The following TMEM65 variants were observed in gnomAD, a reference collection of about 807,000 sequenced individuals.
TMEM65 encodes the protein transmembrane protein 65.
In TMEM65, 22 loss-of-function variants were observed where a neutral mutation model predicts 25.4. The ratio of observed to expected loss-of-function variants is 0.86; its 90% confidence interval spans 0.62 to 1.23. The LOEUF is 1.23. Among genes scored for constraint, TMEM65 ranks in the 50% most tolerant of loss-of-function variants. TMEM65 has a pLI of 0.00. For synonymous variants in TMEM65, 132 were observed against 126.2 expected (o/e 1.05, Z -0.31); for missense variants, 262 against 308.2 (o/e 0.85, Z 1.12).
At chr8:124,352,552 G>C (rs974246024) in intron 1 of TMEM65, among the ~76,000 whole-genome samples, 13 of 150,488 alleles carry the variant, frequency 8.6e-5, no homozygotes, top group African/African-American at 3.0e-4. Flanking sequence ...ATACAGGTAA[G>C]ATTCCAGAAA....
chr8:124,313,604 C>T lies in TMEM65; in HGVS notation c.*356G>A, dbSNP rs775874760. On this transcript the variant is annotated 3_prime_UTR_variant, in exon 7 of 7. Coordinates refer to ENST00000297632, the MANE Select transcript of TMEM65 (RefSeq NM_194291.3). Reference sequence around the variant, plus strand: ...TTGAAATGTAACTATCAGGGAACAACGAAAAATGCTTTCATGCATGTACAC... The same window carrying T: ...TTGAAATGTAACTATCAGGGAACAATGAAAAATGCTTTCATGCATGTACAC... 1.3e-4 allele frequency: 21 copies of T among 158,834 alleles called. No individual in the cohort carries two copies. Among genetic ancestry groups the T allele is most frequent in the African/African-American group, 2.9e-4 (12 of 41,564 alleles). 9.8% of individuals were successfully genotyped at this position (158,834 alleles called of 1,614,324 possible).
At chr8:124,326,394 AAG>A (rs1327235492) in intron 3 of TMEM65, among the ~76,000 whole-genome samples, 1 of 152,092 alleles carries the variant, frequency 6.6e-6, no homozygotes, top group African/African-American at 2.4e-5. Flanking sequence ...TGGACAAAAT[AAG>A]AGGAGTGAAT....
At chr8:124,361,131 C>G (rs1424532160) in intron 1 of TMEM65, among the ~76,000 whole-genome samples, 1 of 152,150 alleles carries the variant, frequency 6.6e-6, no homozygotes, top group Non-Finnish European at 1.5e-5. Flanking sequence ...GACATTAAGG[C>G]TACTAAGAGT....
chr8:124,314,110 CAAG>C (rs763012860), intron 6 of TMEM65, 49 bp from the exon 7 acceptor site: 7 of 1,481,222 alleles, frequency 4.7e-6, no homozygotes, highest in South Asian at 1.2e-5. Flanking sequence ...TCTCTGATAA[CAAG>C]AAGGCAGAGA....
chr8:124,352,725 G>T (rs900380735), intron 1 of TMEM65, among the ~76,000 whole-genome samples: 3 of 152,134 alleles, frequency 2.0e-5, no homozygotes, highest in Non-Finnish European at 4.4e-5. Flanking sequence ...AGTGAGGCAG[G>T]CATCTGTATA....
chr8:124,365,947 G>A lies in TMEM65; in HGVS notation c.304+5907C>T, dbSNP rs560511780. On this transcript the variant is annotated intron_variant, in intron 1 of 6. Transcript: ENST00000297632. ...AATAGAAAACTAATACAGGCCGGGC[G>A]TGGAGGTTCACGCCTGTAATCTCAG... Among the ~76,000 whole-genome samples, 44 of 152,298 alleles carry A rather than the reference G, an allele frequency of 2.9e-4. 1 individual carries two copies. The highest frequency in any genetic ancestry group is 1.2e-3 in the South Asian group (6 of 4,820).
intron 1 of TMEM65, among the ~76,000 whole-genome samples, chr8:124,366,371 C>G (rs558351618): frequency 6.6e-6 from 1 of 152,246 alleles, no homozygotes; most frequent in African/African-American, 2.4e-5. Flanking sequence ...GTCAACAGTT[C>G]CAGTTGAGGC....
chr8:124,346,242 G>A (rs1220905860), intron 1 of TMEM65, among the ~76,000 whole-genome samples: 1 of 152,082 alleles, frequency 6.6e-6, no homozygotes, highest in African/African-American at 2.4e-5. Flanking sequence ...GAACACCATA[G>A]GGGAAACCAC....
chr8:124,322,144 G>C lies in TMEM65; in HGVS notation c.476C>G (p.Ala159Gly). ...ATCTGACACAAGATTTCCCAAAGCA[G>C]CAGCTAAAAATTTGAAAAATAAATA... ...IILGISTMAAAALGNLVSDLA... is the reference protein window; with the variant it reads ...IILGISTMAAGALGNLVSDLA... The change falls in exon 5 of 7, where the codon GCT becomes GGT. Residue 159 changes from alanine to glycine, a missense_variant. By Grantham distance (60) the Ala-to-Gly change is moderately conservative (BLOSUM62 0). Coordinates refer to ENST00000297632, the MANE Select transcript of TMEM65 (RefSeq NM_194291.3). 5 of 1,606,978 alleles carry C rather than the reference G, an allele frequency of 3.1e-6. No homozygotes were observed. The highest frequency in any genetic ancestry group is 2.6e-6 in the Non-Finnish European group (3 of 1,176,010).
At chr8:124,365,959 G>A (rs9656954) in intron 1 of TMEM65, among the ~76,000 whole-genome samples, 55,955 of 152,008 alleles carry the variant, frequency 0.37, 10,592 homozygotes, top group East Asian at 0.56. Context: ...GGAGGTTCAC[G>A]CCTGTAATCT....
intron 3 of TMEM65, 69 bp from the exon 4 acceptor site, chr8:124,323,444 T>A: frequency 1.2e-6 from 1 of 843,374 alleles, no homozygotes; most frequent in Non-Finnish European, 1.8e-6. Context: ...AGCAAAGCAT[T>A]AATAAAAACA....
At chr8:124,318,623 G>A (rs377108913) in intron 6 of TMEM65, among the ~76,000 whole-genome samples, 1 of 151,776 alleles carries the variant, frequency 6.6e-6, no homozygotes, top group Non-Finnish European at 1.5e-5. Flanking sequence ...TGATCCACCC[G>A]CCTCGGCCTC....
chr8:124,333,455 C>CTG (rs1276237470), intron 1 of TMEM65, among the ~76,000 whole-genome samples: 37 of 124,806 alleles, frequency 3.0e-4, no homozygotes, highest in East Asian at 9.6e-4. Context: ...TTCTTTCCAT[C>CTG]TGTGTGTGTG....
chr8:124,306,707 AGGAG>A lies in TMEM65; in HGVS notation c.*7249_*7252del. 1 of 152,294 alleles carries A rather than the reference AGGAG, an allele frequency of 6.6e-6. No homozygotes were observed. The highest frequency in any genetic ancestry group is 2.4e-5 in the African/African-American group (1 of 41,546). 9.4% of individuals were successfully genotyped at this position (152,294 alleles called of 1,614,324 possible). A position where few individuals can be genotyped will look rare whatever the true frequency, so the allele number is the denominator to read the frequency against. On this transcript the variant is annotated 3_prime_UTR_variant, in exon 7 of 7. Transcript: ENST00000297632. ...CTCACGCCTGTAATCCCAACACTTC[AGGAG>A]GCCGAGGCAGGCGGATCACCTGAGG...
chr8:124,308,307 A>C lies in TMEM65; in HGVS notation c.*5653T>G, dbSNP rs1404624878. On this transcript the variant is annotated 3_prime_UTR_variant, in exon 7 of 7. Coordinates refer to ENST00000297632, the MANE Select transcript of TMEM65 (RefSeq NM_194291.3). ...ATGTCTCTAATTTAGTTTCTAGATC[A>C]GGGAGTCATAAGGACCTATAGGCTC... The C allele has an allele frequency of 6.6e-6, 1 of 152,220 alleles. No homozygotes were observed. Among genetic ancestry groups the C allele is most frequent in the Non-Finnish European group, 1.5e-5 (1 of 68,068 alleles). 9.4% of individuals were successfully genotyped at this position (152,220 alleles called of 1,614,324 possible).
intron 1 of TMEM65, among the ~76,000 whole-genome samples, chr8:124,343,481 A>C (rs1814606554): frequency 6.6e-6 from 1 of 152,090 alleles, no homozygotes; most frequent in South Asian, 2.1e-4. Flanking sequence ...TTTGAAAAAG[A>C]CCTAGAATGA....
rs57541664 is a variant in TMEM65, at chr8:124,372,662, A to AGCCGCC, written c.-511_-506dup. 6.8e-3 allele frequency: 1,088 copies of AGCCGCC among 161,016 alleles called. 8 individuals are homozygous for AGCCGCC. The highest frequency in any genetic ancestry group is 0.024 in the African/African-American group (982 of 41,384). 10.0% of individuals were successfully genotyped at this position (161,016 alleles called of 1,614,324 possible). ...CAAAGCAGCCGCGCTCCCGAGCCGCAGCCGCCGCCGCCGCCGCTACCCCTA... is the reference window on the plus strand; with the variant it reads ...CAAAGCAGCCGCGCTCCCGAGCCGCAGCCGCCGCCGCCGCCGCCGCCGCTACCCCTA... On this transcript the variant is annotated 5_prime_UTR_variant, in exon 1 of 7. Transcript: ENST00000297632.
chr8:124,334,142 C>A (rs971509728), intron 1 of TMEM65, among the ~76,000 whole-genome samples: 1 of 152,152 alleles, frequency 6.6e-6, no homozygotes, highest in South Asian at 2.1e-4. Context: ...AAAATCAATG[C>A]TTTTCAGATG....
At chr8:124,361,177 T>C (rs1012695746) in intron 1 of TMEM65, among the ~76,000 whole-genome samples, 3 of 152,176 alleles carry the variant, frequency 2.0e-5, no homozygotes, top group Non-Finnish European at 4.4e-5. Context: ...CTCACACCTG[T>C]AGTCCCAGCA....
Sources: allele counts gnomAD v4.1 joint callset (sites outside exome capture counted in the v4.1 genomes callset), GRCh38; gene constraint gnomAD v4.1.1; transcripts MANE v1.5; gene names NCBI Gene and HGNC (gene_info 2026-07-23, HGNC 2026-07-21).